The following NFATC3 variants were observed in gnomAD, a reference collection of about 807,000 sequenced individuals.
NFATC3 encodes nuclear factor of activated T cells 3, also known as nuclear factor of activated T-cells, cytoplasmic 3.
In NFATC3, 46 loss-of-function variants were observed where a neutral mutation model predicts 98.6. The observed-to-expected ratio is 0.47, with a 90% CI of 0.37 to 0.60. NFATC3 has a LOEUF of 0.60. Ranked by LOEUF, NFATC3 falls within the 20% of genes least tolerant of loss-of-function variation. The probability of loss-of-function intolerance (pLI) is 0.00; values close to 1 mark genes in which losing one functional copy is unlikely to be tolerated. For missense variants in NFATC3, 1,256 were observed against 1,295.5 expected (o/e 0.97, Z 0.47); for synonymous variants, 512 against 472.2 (o/e 1.08, Z -1.09).
chr16:68,139,208 C>G (rs559262534), intron 3 of NFATC3, among the ~76,000 whole-genome samples: 1 of 152,264 alleles, frequency 6.6e-6, no homozygotes, highest in African/African-American at 2.4e-5. Flanking sequence ...ATGAAGAGAA[C>G]TTTACCTTGG....
At chr16:68,159,418 T>C (rs1055255138) in intron 4 of NFATC3, among the ~76,000 whole-genome samples, 1 of 151,324 alleles carries the variant, frequency 6.6e-6, no homozygotes, top group African/African-American at 2.4e-5. Context: ...TTTTTTTTTT[T>C]TTATATTTTT....
chr16:68,111,371 C>T (rs1019739174), intron 1 of NFATC3, among the ~76,000 whole-genome samples: 2 of 152,130 alleles, frequency 1.3e-5, no homozygotes, highest in African/African-American at 4.8e-5. Flanking sequence ...CTTTACCATG[C>T]TGTATGCCCT....
At chr16:68,209,867 A>T (rs2041304331) in intron 9 of NFATC3, 4 of 283,360 alleles carry the variant, frequency 1.4e-5, no homozygotes, top group South Asian at 6.0e-5. Context: ...ACACACACAC[A>T]CTCACAGTCA....
At chr16:68,220,645 C>T (rs1426754343) in intron 9 of NFATC3, among the ~76,000 whole-genome samples, 4 of 148,950 alleles carry the variant, frequency 2.7e-5, no homozygotes, top group South Asian at 4.2e-4. Flanking sequence ...GGGTGGCTCA[C>T]GCCTGTAATC....
At chr16:68,201,064 TG>T (rs1376212137) in intron 9 of NFATC3, 1 of 152,020 alleles carries the variant, frequency 6.6e-6, no homozygotes, top group Non-Finnish European at 1.5e-5. Context: ...CCCGAGTAGC[TG>T]GGATTACAGG....
intron 1 of NFATC3, among the ~76,000 whole-genome samples, chr16:68,114,996 T>C (rs1393907191): frequency 2.0e-5 from 3 of 152,264 alleles, no homozygotes; most frequent in Non-Finnish European, 4.4e-5. Context: ...TTGTAAGTTT[T>C]TCTCTGAACA....
intron 9 of NFATC3, among the ~76,000 whole-genome samples, chr16:68,197,253 C>A (rs2040716859): frequency 6.6e-6 from 1 of 152,038 alleles, no homozygotes; most frequent in Non-Finnish European, 1.5e-5. Flanking sequence ...TTCTGGTTAG[C>A]TTTATTATAT....
chr16:68,172,076 G>T (rs1373168479), intron 5 of NFATC3, among the ~76,000 whole-genome samples: 1 of 149,962 alleles, frequency 6.7e-6, no homozygotes, highest in African/African-American at 2.5e-5. Context: ...CTCGTTATCC[G>T]CCCACCTCAG....
intron 4 of NFATC3, among the ~76,000 whole-genome samples, chr16:68,164,280 C>G (rs1006327954): frequency 1.3e-5 from 2 of 152,206 alleles, no homozygotes; most frequent in African/African-American, 4.8e-5. Context: ...CGTGCGCCTG[C>G]AATCGCAGGC....
chr16:68,113,008 C>T (rs367565309), intron 1 of NFATC3, among the ~76,000 whole-genome samples: 6 of 152,056 alleles, frequency 3.9e-5, no homozygotes, highest in East Asian at 1.9e-4. Context: ...CATGGTTTTT[C>T]GCTTCTTTGC....
chr16:68,174,312 G>A, intron 5 of NFATC3, 62 bp from the exon 6 acceptor site: 1 of 1,236,264 alleles, frequency 8.1e-7, no homozygotes, highest in Non-Finnish European at 1.1e-6. Flanking sequence ...TGTCATTTAT[G>A]TATCAAAGAT....
chr16:68,214,012 A>G (rs2041529280), intron 9 of NFATC3, among the ~76,000 whole-genome samples: 1 of 152,196 alleles, frequency 6.6e-6, no homozygotes, highest in Non-Finnish European at 1.5e-5. Flanking sequence ...GGGAACTACT[A>G]ATAGATATAA....
At chr16:68,139,641 G>A (rs2037638970) in intron 3 of NFATC3, among the ~76,000 whole-genome samples, 1 of 152,196 alleles carries the variant, frequency 6.6e-6, no homozygotes, top group Admixed American at 6.5e-5. Flanking sequence ...AATGCAAGCT[G>A]TGCTGCTGTT....
intron 9 of NFATC3, among the ~76,000 whole-genome samples, chr16:68,196,772 C>T (rs1342374419): frequency 6.6e-6 from 1 of 152,094 alleles, no homozygotes; most frequent in Non-Finnish European, 1.5e-5. Flanking sequence ...TGGCTCACTC[C>T]TGTATCTCAG....
In NFATC3 at chr16:68,119,613, A is replaced by G. The variant is rs184021040; in HGVS notation, c.104-2374A>G. ...TATCCTCTGCCTGCATTATGCCCCT[A>G]AATTTCTGTATAGCTCAGTTACATT... On this transcript the variant is annotated intron_variant, in intron 1 of 9. Transcript: ENST00000346183. Among the ~76,000 whole-genome samples, 69 of 152,246 alleles carry G rather than the reference A, an allele frequency of 4.5e-4. 2 individuals are homozygous for G. Among genetic ancestry groups the G allele is most frequent in the Admixed American group, 6.5e-4 (10 of 15,280 alleles).
At chr16:68,194,980 C>T (rs1007346508) in intron 9 of NFATC3, among the ~76,000 whole-genome samples, 4 of 151,998 alleles carry the variant, frequency 2.6e-5, no homozygotes, top group Admixed American at 6.6e-5. Context: ...GAGCCAGGTG[C>T]CGTGGCTCAT....
chr16:68,085,828 C>T (rs1163821101), intron 1 of NFATC3, 44 bp downstream of exon 1: 2 of 1,342,470 alleles, frequency 1.5e-6, no homozygotes, highest in Non-Finnish European at 1.9e-6. Flanking sequence ...CCCCGCTTCT[C>T]GCTCGCAGGA....
intron 4 of NFATC3, among the ~76,000 whole-genome samples, chr16:68,165,470 C>T (rs971397727): frequency 3.4e-5 from 5 of 146,436 alleles, no homozygotes; most frequent in African/African-American, 1.3e-4. Context: ...GATCTCAGCT[C>T]ATTGCAACCT....
chr16:68,111,485 C>T (rs552821205), intron 1 of NFATC3, among the ~76,000 whole-genome samples: 1 of 152,220 alleles, frequency 6.6e-6, no homozygotes, highest in South Asian at 2.1e-4. Context: ...GTAAATTTTC[C>T]TCCATCTCTT....
Sources: allele counts gnomAD v4.1 joint callset (sites outside exome capture counted in the v4.1 genomes callset), GRCh38; gene constraint gnomAD v4.1.1; transcripts MANE v1.5; gene names NCBI Gene and HGNC (gene_info 2026-07-23, HGNC 2026-07-21).